Variants in ELOVL5 observed in about 807,000 individuals in gnomAD.
ELOVL5 encodes very long chain fatty acid elongase 5.
Under a neutral mutation model 38.6 loss-of-function variants are expected in ELOVL5, and 8 were observed. That is an observed-to-expected ratio of 0.21 (90% confidence interval 0.12 to 0.37). The LOEUF is 0.37. Among genes scored for constraint, ELOVL5 ranks in the 10% least tolerant of loss-of-function variants. ELOVL5 has a pLI of 1.00. For missense variants in ELOVL5, 280 were observed against 367.8 expected (o/e 0.76, Z 1.95); for synonymous variants, 127 against 133.7 (o/e 0.95, Z 0.34).
At chr6:53,341,101 A>G (rs1372929083) in intron 1 of ELOVL5, among the ~76,000 whole-genome samples, 2 of 152,200 alleles carry the variant, frequency 1.3e-5, no homozygotes, top group Non-Finnish European at 2.9e-5. Flanking sequence ...TACACTAACA[A>G]TTGTAAGCTA....
At chr6:53,278,001 A>G (rs185034546) in intron 3 of ELOVL5, among the ~76,000 whole-genome samples, 1 of 152,366 alleles carries the variant, frequency 6.6e-6, no homozygotes, top group African/African-American at 2.4e-5. Context: ...CAACGCAGTA[A>G]GGTTTTCATG....
intron 1 of ELOVL5, among the ~76,000 whole-genome samples, chr6:53,298,900 C>CAGGGGG (rs773606807): frequency 2.5e-5 from 2 of 79,402 alleles, no homozygotes; most frequent in African/African-American, 9.2e-5. Flanking sequence ...GGGGGCAAGG[C>CAGGGGG]GGGGGGGGGG....
Position 53,340,700 on chromosome 6 carries a change from T to C in ELOVL5, c.-9+8117A>G, listed in dbSNP as rs111801741. 5.3e-5 allele frequency among the ~76,000 whole-genome samples: 8 copies of C among 152,360 alleles called. 2 individuals carry two copies. The highest frequency in any genetic ancestry group is 1.9e-4 in the African/African-American group (8 of 41,584). ...AGCCTAGGAGCAATGTGGTATATCA[T>C]ATGCCCTATGTATGTGGTAACCATC... On this transcript the variant is annotated intron_variant, in intron 1 of 7. Coordinates refer to ENST00000304434, the MANE Select transcript of ELOVL5 (RefSeq NM_021814.5).
At chr6:53,340,252 T>C (rs1326785731) in intron 1 of ELOVL5, among the ~76,000 whole-genome samples, 2 of 151,896 alleles carry the variant, frequency 1.3e-5, no homozygotes, top group African/African-American at 4.8e-5. Context: ...AAATAATACA[T>C]ATTTTTAAAA....
intron 3 of ELOVL5, 62 bp from the exon 4 acceptor site, chr6:53,276,318 C>T: frequency 9.2e-7 from 1 of 1,082,794 alleles, no homozygotes; most frequent in African/African-American, 1.6e-5. Context: ...CCTCATTGAA[C>T]TTTATTAGTT....
At chr6:53,287,846 A>G (rs1259468680) in intron 3 of ELOVL5, 1 of 1,534,548 alleles carries the variant, frequency 6.5e-7, no homozygotes, top group Non-Finnish European at 8.7e-7. Context: ...AGCCATGTGC[A>G]CTGCACAACA....
chr6:53,338,041 T>G (rs1232480186), intron 1 of ELOVL5, among the ~76,000 whole-genome samples: 1 of 152,124 alleles, frequency 6.6e-6, no homozygotes, highest in Non-Finnish European at 1.5e-5. Context: ...GATGAAAAGT[T>G]ATGAGTCTGG....
intron 1 of ELOVL5, among the ~76,000 whole-genome samples, chr6:53,312,680 C>T (rs544683151): frequency 6.6e-6 from 1 of 152,262 alleles, no homozygotes; most frequent in South Asian, 2.1e-4. Flanking sequence ...TACTTGGGAT[C>T]TCTGTATTAT....
chr6:53,347,554 G>A (rs891433722), intron 1 of ELOVL5, among the ~76,000 whole-genome samples: 4 of 152,154 alleles, frequency 2.6e-5, no homozygotes, highest in African/African-American at 9.7e-5. Flanking sequence ...TACAAAACCT[G>A]ACAAGCAACA....
At chr6:53,347,536 G>T (rs999924750) in intron 1 of ELOVL5, among the ~76,000 whole-genome samples, 1 of 152,144 alleles carries the variant, frequency 6.6e-6, no homozygotes, top group African/African-American at 2.4e-5. Context: ...GCGGTTAGGA[G>T]AATGAGTTAC....
chr6:53,309,465 C>A (rs578254542), intron 1 of ELOVL5, among the ~76,000 whole-genome samples: 1 of 152,238 alleles, frequency 6.6e-6, no homozygotes, highest in East Asian at 1.9e-4. Flanking sequence ...CTATTATATT[C>A]GTTTCATTAC....
chr6:53,347,257 A>G (rs1195032351), intron 1 of ELOVL5, among the ~76,000 whole-genome samples: 1 of 152,230 alleles, frequency 6.6e-6, no homozygotes, highest in African/African-American at 2.4e-5. Context: ...AGTTCCTGGC[A>G]ATAAGAAGTT....
At chr6:53,335,863 G>A (rs971666776) in intron 1 of ELOVL5, among the ~76,000 whole-genome samples, 3 of 152,140 alleles carry the variant, frequency 2.0e-5, no homozygotes, top group South Asian at 4.1e-4. Flanking sequence ...CACCATCCGC[G>A]CTTCTACTTT....
intron 1 of ELOVL5, among the ~76,000 whole-genome samples, chr6:53,340,856 C>T (rs1376852367): frequency 6.6e-6 from 1 of 152,214 alleles, no homozygotes; most frequent in African/African-American, 2.4e-5. Context: ...CTTACATTTT[C>T]ACCCAAGGGA....
At position 53,348,861 on chromosome 6, in the gene ELOVL5, G is replaced by A. The variant is rs1213160694; in HGVS notation, c.-53C>T. The stretch of plus-strand genomic sequence containing the variant: ...CAGCAGCTTTGAGCAGCAGCAAGGC[G>A]GCGGCGGCGGAGGGAGCGCGGGTGG... On this transcript the variant is annotated 5_prime_UTR_variant, in exon 1 of 8. Transcript: ENST00000304434. 6 of 458,092 alleles carry A rather than the reference G, an allele frequency of 1.3e-5. No homozygotes were observed. The highest frequency in any genetic ancestry group is 4.0e-5 in the African/African-American group (2 of 49,778). 28.4% of individuals were successfully genotyped at this position (458,092 alleles called of 1,614,324 possible). A position where few individuals can be genotyped will look rare whatever the true frequency, so the allele number is the denominator to read the frequency against.
intron 2 of ELOVL5, among the ~76,000 whole-genome samples, chr6:53,294,725 A>G (rs556148807): frequency 1.3e-5 from 2 of 152,316 alleles, no homozygotes; most frequent in African/African-American, 4.8e-5. Context: ...TCAATGGGCC[A>G]TACACTAATT....
chr6:53,282,766 T>A (rs573105738), intron 3 of ELOVL5, among the ~76,000 whole-genome samples: 20 of 152,360 alleles, frequency 1.3e-4, no homozygotes, highest in Admixed American at 1.3e-3. Context: ...GTAAACAAAG[T>A]TATTTTTCAA....
At chr6:53,313,386 G>C (rs1767915975) in intron 1 of ELOVL5, among the ~76,000 whole-genome samples, 1 of 149,940 alleles carries the variant, frequency 6.7e-6, no homozygotes, top group Non-Finnish European at 1.5e-5. Flanking sequence ...TCTAAGATAT[G>C]ACATCACTCT....
At chr6:53,305,781 T>C (rs963614200) in intron 1 of ELOVL5, among the ~76,000 whole-genome samples, 1 of 151,594 alleles carries the variant, frequency 6.6e-6, no homozygotes, top group Non-Finnish European at 1.5e-5. Flanking sequence ...GCAGAGACGC[T>C]CCTCACTTCC....
Sources: gnomAD v4.1 joint callset for allele counts (sites outside exome capture counted in the v4.1 genomes callset) on GRCh38, gnomAD v4.1.1 for gene constraint, MANE v1.5 for transcripts, NCBI Gene and HGNC (gene_info 2026-07-23, HGNC 2026-07-21) for gene names.